SPAG16: variants seen among roughly 807,000 people sequenced by gnomAD.
SPAG16 encodes sperm associated antigen 16, also known as sperm-associated antigen 16 protein.
Under a neutral mutation model 80.4 loss-of-function variants are expected in SPAG16, and 86 were observed. The ratio of observed to expected loss-of-function variants is 1.07; its 90% confidence interval spans 0.90 to 1.28. SPAG16 has a LOEUF of 1.28. Among genes scored for constraint, SPAG16 ranks in the 50% most tolerant of loss-of-function variants. The probability of loss-of-function intolerance (pLI) is 0.00; values close to 1 mark genes in which losing one functional copy is unlikely to be tolerated. For missense variants in SPAG16, 870 were observed against 765.3 expected (o/e 1.14, Z -1.61); for synonymous variants, 294 against 265.9 (o/e 1.11, Z -1.03).
intron 13 of SPAG16, among the ~76,000 whole-genome samples, chr2:214,099,208 G>A (rs763671985): frequency 1.3e-5 from 2 of 152,056 alleles, no homozygotes; most frequent in Non-Finnish European, 2.9e-5. Flanking sequence ...CTTTTCCTGG[G>A]AGAGTGGTGA....
intron 13 of SPAG16, among the ~76,000 whole-genome samples, chr2:214,072,840 C>T (rs1299158065): frequency 6.6e-6 from 1 of 152,092 alleles, no homozygotes; most frequent in Middle Eastern, 3.2e-3. Flanking sequence ...GGACAAACAT[C>T]AGTTTTTTAA....
intron 10 of SPAG16, among the ~76,000 whole-genome samples, chr2:213,704,286 ATAAT>A (rs1188204006): frequency 3.3e-5 from 5 of 152,244 alleles, no homozygotes; most frequent in Admixed American, 6.5e-5. Flanking sequence ...AGTTGTGAGA[ATAAT>A]TAATAGCCAA....
rs1454694460 is a variant in SPAG16 at position 213,284,757 on chromosome 2, G to GT, written c.136+143dup. On this transcript the variant is annotated intron_variant, in intron 1 of 15. Coordinates refer to ENST00000331683, the MANE Select transcript of SPAG16 (RefSeq NM_024532.5). The stretch of plus-strand genomic sequence containing the variant: ...AGCCTCTGTTGGACTTCAAGGTGCT[G>GT]TTTTTGCCACCACAGTCTTCCTGAG... The GT allele has an allele frequency of 7.1e-6, 9 of 1,260,354 alleles. No individual in the cohort carries two copies. In the Admixed American group the frequency reaches 2.6e-4, roughly 37 times the overall value. The allele number at this position is 1,260,354 out of a possible 1,614,324, so 78.1% of individuals were successfully genotyped here.
At chr2:214,260,199 A>G (rs949931090) in intron 15 of SPAG16, among the ~76,000 whole-genome samples, 1 of 152,162 alleles carries the variant, frequency 6.6e-6, no homozygotes, top group Non-Finnish European at 1.5e-5. Flanking sequence ...TAAGTGATAA[A>G]AGACTATACA....
chr2:214,175,287 GTA>G (rs1204961729), intron 15 of SPAG16, among the ~76,000 whole-genome samples: 39 of 141,654 alleles, frequency 2.8e-4, no homozygotes, highest in African/African-American at 8.8e-4. Context: ...AAAGAAATGT[GTA>G]TATATATAAA....
At chr2:213,732,483 G>T (rs1028164047) in intron 10 of SPAG16, among the ~76,000 whole-genome samples, 1 of 152,172 alleles carries the variant, frequency 6.6e-6, no homozygotes, top group Non-Finnish European at 1.5e-5. Context: ...CTATAGTATA[G>T]TTTGAGATTG....
At chr2:213,602,625 T>C (rs911104040) in intron 10 of SPAG16, among the ~76,000 whole-genome samples, 1 of 152,204 alleles carries the variant, frequency 6.6e-6, no homozygotes, top group Non-Finnish European at 1.5e-5. Flanking sequence ...AGAGCGAGAC[T>C]CCGTCTCACA....
intron 9 of SPAG16, among the ~76,000 whole-genome samples, chr2:213,376,297 T>C (rs2066879085): frequency 6.6e-6 from 1 of 152,128 alleles, no homozygotes; most frequent in East Asian, 1.9e-4. Context: ...ATTCATTCAC[T>C]CAGTGCTTAC....
chr2:214,289,817 GTATGAAAATT>G (rs986209484), intron 15 of SPAG16, among the ~76,000 whole-genome samples: 7 of 152,136 alleles, frequency 4.6e-5, no homozygotes, highest in Admixed American at 6.5e-5. Context: ...GCTTTAAGCA[GTATGAAAATT>G]TAACAAAATT....
intron 11 of SPAG16, among the ~76,000 whole-genome samples, chr2:213,911,193 T>C (rs528560281): frequency 2.2e-4 from 34 of 152,374 alleles, no homozygotes; most frequent in African/African-American, 7.7e-4. Flanking sequence ...CTGCCCAGGC[T>C]GGAATGCAGT....
intron 13 of SPAG16, among the ~76,000 whole-genome samples, chr2:214,080,720 T>G (rs2051343272): frequency 6.6e-6 from 1 of 152,162 alleles, no homozygotes; most frequent in Admixed American, 6.5e-5. Context: ...TTTAATTGTC[T>G]AATTTATTAG....
chr2:213,507,067 C>T (rs185757710), intron 10 of SPAG16, among the ~76,000 whole-genome samples: 1 of 152,230 alleles, frequency 6.6e-6, no homozygotes, highest in Non-Finnish European at 1.5e-5. Context: ...AAGTGCTACC[C>T]CAGAGTTGAA....
chr2:214,036,445 G>A (rs931050123), intron 13 of SPAG16, among the ~76,000 whole-genome samples: 3 of 152,166 alleles, frequency 2.0e-5, no homozygotes, highest in Non-Finnish European at 4.4e-5. Flanking sequence ...CAGGGGAGTC[G>A]TTGCTTCTAG....
chr2:213,315,935 G>A (rs568478682), intron 4 of SPAG16, among the ~76,000 whole-genome samples: 231 of 151,892 alleles, frequency 1.5e-3, no homozygotes, highest in African/African-American at 5.3e-3. Flanking sequence ...TAGTGTTTAT[G>A]GCTCACTCCT....
intron 11 of SPAG16, among the ~76,000 whole-genome samples, chr2:213,870,156 C>T (rs1441659356): frequency 6.6e-6 from 1 of 152,132 alleles, no homozygotes; most frequent in African/African-American, 2.4e-5. Flanking sequence ...GTCACATTTT[C>T]AGCTGTTGCA....
intron 15 of SPAG16, among the ~76,000 whole-genome samples, chr2:214,300,530 G>T (rs984727537): frequency 6.6e-6 from 1 of 151,962 alleles, no homozygotes; most frequent in African/African-American, 2.4e-5. Flanking sequence ...AAGTAAATTT[G>T]TACTGTAGAA....
chr2:213,818,220 G>A (rs2072686586), intron 10 of SPAG16, among the ~76,000 whole-genome samples: 1 of 152,158 alleles, frequency 6.6e-6, no homozygotes, highest in Non-Finnish European at 1.5e-5. Flanking sequence ...ACCTTGCGCA[G>A]TAGATCTTTC....
chr2:214,210,729 C>T (rs576814569), intron 15 of SPAG16, among the ~76,000 whole-genome samples: 3 of 152,094 alleles, frequency 2.0e-5, no homozygotes, highest in East Asian at 1.9e-4. Flanking sequence ...GCCTTAGAAA[C>T]ATGTATAACT....
At chr2:213,314,188 C>T (rs552138236) in intron 4 of SPAG16, among the ~76,000 whole-genome samples, 71 of 151,852 alleles carry the variant, frequency 4.7e-4, no homozygotes, top group African/African-American at 1.7e-3. Flanking sequence ...CTACATAATT[C>T]TAAGTAGTTG....
Sources: allele counts gnomAD v4.1 joint callset (sites outside exome capture counted in the v4.1 genomes callset), GRCh38; gene constraint gnomAD v4.1.1; transcripts MANE v1.5; gene names NCBI Gene and HGNC (gene_info 2026-07-23, HGNC 2026-07-21).